MITF: variants seen among roughly 807,000 people sequenced by gnomAD.
The protein encoded by MITF is melanocyte inducing transcription factor.
A neutral mutation model predicts 60.5 loss-of-function variants in MITF; 17 were observed. The observed-to-expected ratio is 0.28, with a 90% confidence interval of 0.19 to 0.42. MITF has a LOEUF of 0.42. Ranked by LOEUF, MITF falls within the 10% of genes least tolerant of loss-of-function variation. MITF has a pLI of 1.00. For missense variants in MITF, 622 were observed against 683.5 expected (o/e 0.91, Z 1.00); for synonymous variants, 260 against 248.5 (o/e 1.05, Z -0.43).
intron 1 of MITF, among the ~76,000 whole-genome samples, chr3:69,776,111 C>G (rs939350554): frequency 1.3e-5 from 2 of 152,152 alleles, no homozygotes; most frequent in African/African-American, 2.4e-5. Context: ...AGGAAAATAA[C>G]TAGGGAAGTG....
chr3:69,940,944 T>C (rs899736065), intron 4 of MITF, among the ~76,000 whole-genome samples: 1 of 152,186 alleles, frequency 6.6e-6, no homozygotes, highest in African/African-American at 2.4e-5. Context: ...GATACGGTTT[T>C]CGTTAGGGCA....
intron 1 of MITF, among the ~76,000 whole-genome samples, chr3:69,773,195 A>G (rs760897460): frequency 4.6e-5 from 7 of 152,166 alleles, no homozygotes; most frequent in Non-Finnish European, 8.8e-5. Context: ...GAGTGAGTCT[A>G]CTTCAGTAAC....
chr3:69,751,163 G>T (rs1386673736), intron 1 of MITF, among the ~76,000 whole-genome samples: 1 of 152,174 alleles, frequency 6.6e-6, no homozygotes, highest in Non-Finnish European at 1.5e-5. Flanking sequence ...GGGTGATGGT[G>T]GTTTTGGGCA....
intron 1 of MITF, among the ~76,000 whole-genome samples, chr3:69,794,695 A>G (rs1452221206): frequency 4.6e-5 from 7 of 152,214 alleles, no homozygotes; most frequent in Non-Finnish European, 8.8e-5. Context: ...ACATCCATGT[A>G]GCTACTGCCC....
chr3:69,914,121 T>TTTTG (rs1053932142), intron 2 of MITF, among the ~76,000 whole-genome samples: 1 of 152,116 alleles, frequency 6.6e-6, no homozygotes, highest in Non-Finnish European at 1.5e-5. Context: ...AATGGAACTT[T>TTTTG]TTTGTTTGTT....
intron 2 of MITF, among the ~76,000 whole-genome samples, chr3:69,911,580 A>G (rs891179988): frequency 9.9e-5 from 15 of 152,236 alleles, no homozygotes; most frequent in Admixed American, 3.3e-4. Flanking sequence ...CAAGTGTAGG[A>G]TTAGTACCTA....
chr3:69,831,335 C>A (rs933954257), intron 1 of MITF, among the ~76,000 whole-genome samples: 1 of 152,150 alleles, frequency 6.6e-6, no homozygotes, highest in East Asian at 1.9e-4. Flanking sequence ...TAAGGGTTGA[C>A]GTTCTTGTCC....
intron 1 of MITF, among the ~76,000 whole-genome samples, chr3:69,825,776 A>G (rs1433841082): frequency 6.6e-6 from 1 of 152,134 alleles, no homozygotes; most frequent in African/African-American, 2.4e-5. Context: ...ACTGACCAAG[A>G]GTGAGGTTAA....
chr3:69,902,621 G>C (rs1249505362), intron 2 of MITF, among the ~76,000 whole-genome samples: 1 of 152,158 alleles, frequency 6.6e-6, no homozygotes, highest in Non-Finnish European at 1.5e-5. Context: ...AAACCAGCCT[G>C]AGGCTCTTTT....
intron 1 of MITF, among the ~76,000 whole-genome samples, chr3:69,823,852 A>G (rs1162714267): frequency 6.6e-6 from 1 of 152,176 alleles, no homozygotes; most frequent in African/African-American, 2.4e-5. Context: ...GTGGTAGCCT[A>G]TGATTTCTTT....
chr3:69,932,746 A>G (rs1235758988), intron 2 of MITF, among the ~76,000 whole-genome samples: 1 of 152,180 alleles, frequency 6.6e-6, no homozygotes, highest in South Asian at 2.1e-4. Flanking sequence ...GAACCTCGAC[A>G]CTTAATCAGA....
chr3:69,914,618 T>TC (rs964266654), intron 2 of MITF, among the ~76,000 whole-genome samples: 9 of 151,918 alleles, frequency 5.9e-5, no homozygotes, highest in Non-Finnish European at 1.0e-4. Flanking sequence ...CACCTACCTG[T>TC]CCCCCCCTGG....
chr3:69,769,207 T>C (rs1320496744), intron 1 of MITF, among the ~76,000 whole-genome samples: 2 of 152,116 alleles, frequency 1.3e-5, no homozygotes, highest in Non-Finnish European at 2.9e-5. Context: ...AAAATAATAA[T>C]AACAGTAATA....
At chr3:69,763,004 C>A (rs1005805191) in intron 1 of MITF, among the ~76,000 whole-genome samples, 11 of 152,140 alleles carry the variant, frequency 7.2e-5, no homozygotes, top group African/African-American at 2.7e-4. Flanking sequence ...GAGTTAAATA[C>A]CTTTTCTTTT....
At chr3:69,813,163 G>A (rs1270068424) in intron 1 of MITF, among the ~76,000 whole-genome samples, 1 of 152,152 alleles carries the variant, frequency 6.6e-6, no homozygotes, top group Non-Finnish European at 1.5e-5. Context: ...CATTAAACCT[G>A]ACTCAGAAGA....
chr3:69,806,570 C>T (rs1285080112), intron 1 of MITF, among the ~76,000 whole-genome samples: 4 of 152,034 alleles, frequency 2.6e-5, no homozygotes, highest in South Asian at 2.1e-4. Context: ...ATTTATGGAT[C>T]TTTAGAGGTG....
chr3:69,929,960 A>G (rs1421910324), intron 2 of MITF, among the ~76,000 whole-genome samples: 1 of 152,196 alleles, frequency 6.6e-6, no homozygotes, highest in Non-Finnish European at 1.5e-5. Flanking sequence ...ATGAGCAACT[A>G]GGTTAAGCCA....
intron 1 of MITF, among the ~76,000 whole-genome samples, chr3:69,806,292 G>A (rs531607307): frequency 6.6e-6 from 1 of 151,976 alleles, no homozygotes; most frequent in Admixed American, 6.5e-5. Context: ...TTACCATGTT[G>A]GCCAGGCTGG....
intron 1 of MITF, among the ~76,000 whole-genome samples, chr3:69,799,975 G>T (rs1259613657): frequency 1.3e-5 from 2 of 152,134 alleles, no homozygotes; most frequent in Non-Finnish European, 2.9e-5. Context: ...TCACATAAAT[G>T]AAATTTATCA....
Sources: allele counts gnomAD v4.1 joint callset (sites outside exome capture counted in the v4.1 genomes callset), GRCh38; gene constraint gnomAD v4.1.1; transcripts MANE v1.5; gene names NCBI Gene and HGNC (gene_info 2026-07-23, HGNC 2026-07-21).